Variants in IGF2BP1 observed in about 807,000 individuals in gnomAD.
IGF2BP1 encodes the protein insulin-like growth factor 2 mRNA-binding protein 1.
IGF2BP1 carries 11 observed loss-of-function variants against 74.9 expected under a neutral mutation model. The observed-to-expected ratio is 0.15, with a 90% CI of 0.09 to 0.24. IGF2BP1 has a LOEUF of 0.24. Among genes scored for constraint, IGF2BP1 ranks in the 10% least tolerant of loss-of-function variants. IGF2BP1 has a pLI of 1.00. For missense variants in IGF2BP1, 440 were observed against 757.4 expected (o/e 0.58, Z 4.92); for synonymous variants, 287 against 281.8 (o/e 1.02, Z -0.18).
intron 2 of IGF2BP1, chr17:49,013,768 T>G (rs1243114413): frequency 2.0e-5 from 3 of 152,228 alleles, no homozygotes; most frequent in Admixed American, 2.0e-4. Flanking sequence ...GGCAAAGTCC[T>G]GGGCCCCACC....
Position 49,043,450 on chromosome 17 carries a change from G to A in IGF2BP1, c.1100G>A (p.Gly367Asp). ...CAGCTGCAGTCTCACCTGATCCCTG[G>A]CCTGAACCTGGCTGCTGTAGGTCTT... ...AMSLQSHLIPGLNLAAVGLFP... is the reference protein window; with the variant it reads ...AMSLQSHLIPDLNLAAVGLFP... Residue 367 changes from glycine (G) to aspartate (D), a missense_variant, in exon 10 of 15, where the codon GGC becomes GAC. Gly to Asp is a moderately conservative substitution (Grantham distance 94). Transcript: ENST00000290341. 1 of 1,613,918 alleles carries A rather than the reference G, an allele frequency of 6.2e-7. No homozygotes were observed. Among genetic ancestry groups the A allele is most frequent in the Non-Finnish European group, 8.5e-7 (1 of 1,179,960 alleles).
At chr17:49,003,794 A>C in intron 2 of IGF2BP1, among the ~76,000 whole-genome samples, 1 of 36,080 alleles carries the variant, frequency 2.8e-5, no homozygotes, top group African/African-American at 1.1e-4. Flanking sequence ...GGGGAGGGAG[A>C]GAGGGAGGGA....
At chr17:48,998,137 C>G (rs1028562226) in intron 1 of IGF2BP1, among the ~76,000 whole-genome samples, 1 of 152,050 alleles carries the variant, frequency 6.6e-6, no homozygotes, top group Admixed American at 6.5e-5. Context: ...ATCCCTTTCT[C>G]CCAGCCTGAG....
At chr17:49,010,756 G>C (rs1280011590) in intron 2 of IGF2BP1, among the ~76,000 whole-genome samples, 1 of 152,118 alleles carries the variant, frequency 6.6e-6, no homozygotes, top group Non-Finnish European at 1.5e-5. Context: ...CCAAGTCTCT[G>C]CCCTCCAGCA....
intron 13 of IGF2BP1, 42 bp from the exon 14 acceptor site, chr17:49,046,218 C>CT: frequency 6.4e-7 from 1 of 1,564,466 alleles, no homozygotes; most frequent in Non-Finnish European, 8.8e-7. Flanking sequence ...CCCACCCATG[C>CT]TTTCTTGATG....
chr17:49,016,401 G>T (rs1238893704), intron 2 of IGF2BP1, among the ~76,000 whole-genome samples: 3 of 152,220 alleles, frequency 2.0e-5, no homozygotes, highest in Middle Eastern at 3.4e-3. Flanking sequence ...TGTGTGTATT[G>T]TGTGTGTGCG....
intron 2 of IGF2BP1, chr17:49,012,860 A>T (rs1328808968): frequency 6.6e-6 from 1 of 152,064 alleles, no homozygotes; most frequent in Non-Finnish European, 1.5e-5. Context: ...CCCACAAAGT[A>T]TTGGGTTTAC....
chr17:49,010,650 TATTA>T (rs1359653782), intron 2 of IGF2BP1, among the ~76,000 whole-genome samples: 4 of 152,074 alleles, frequency 2.6e-5, no homozygotes, highest in Non-Finnish European at 4.4e-5. Flanking sequence ...AAATACTGAT[TATTA>T]ATTGAGTTTT....
chr17:49,039,784 C>T (rs996252078), intron 6 of IGF2BP1, among the ~76,000 whole-genome samples, 173 bp from the exon 7 acceptor site: 3 of 152,164 alleles, frequency 2.0e-5, no homozygotes, highest in Non-Finnish European at 4.4e-5. Context: ...CAGTAACAGA[C>T]GGGTCATATT....
At chr17:49,003,845 A>G (rs1371997864) in intron 2 of IGF2BP1, among the ~76,000 whole-genome samples, 2 of 151,618 alleles carry the variant, frequency 1.3e-5, no homozygotes, top group Non-Finnish European at 2.9e-5. Flanking sequence ...CTTCCCTTTT[A>G]AAGGGGAGCG....
chr17:48,997,596 C>A lies in IGF2BP1; in HGVS notation c.-150C>A. The A allele has an allele frequency of 1.2e-6, 1 of 825,214 alleles. No individual in the cohort carries two copies. Among genetic ancestry groups the A allele is most frequent in the Non-Finnish European group, 1.9e-6 (1 of 539,578 alleles). The allele number at this position is 825,214 out of a possible 1,614,324, so 51.1% of individuals were successfully genotyped here. A position where few individuals can be genotyped will look rare whatever the true frequency, so the allele number is the denominator to read the frequency against. On this transcript the variant is annotated 5_prime_UTR_variant, in exon 1 of 15. Transcript: ENST00000290341. The surrounding 1 kb of genome is among the most constrained non-coding windows in gnomAD (Gnocchi z 4.8). ...CGCGCCCTCAGGCCGCCTTCCCCGC[C>A]CTGGGCTCGGGACAACTTCTGGGGT... is the stretch of plus-strand genomic sequence containing the variant.
chr17:49,017,943 A>C (rs1011180206), intron 2 of IGF2BP1: 2 of 152,102 alleles, frequency 1.3e-5, no homozygotes, highest in African/African-American at 4.8e-5. Flanking sequence ...TTGTATTTTT[A>C]GTAGAGACAG....
At chr17:49,023,300 C>G (rs914481729) in intron 2 of IGF2BP1, among the ~76,000 whole-genome samples, 3 of 152,204 alleles carry the variant, frequency 2.0e-5, no homozygotes, top group African/African-American at 7.2e-5. Flanking sequence ...AGAAGACAGC[C>G]AAAGACAGAG....
In IGF2BP1 at chr17:49,020,155, A is replaced by G. The variant is rs143399028; in HGVS notation, c.237-5463A>G. ...CCTCCCAGCCTCTTGGGTTCAAGCA[A>G]TTCTCATGCTTCAAAGTAGCTGGGG... is the stretch of plus-strand genomic sequence containing the variant. On this transcript the variant is annotated intron_variant, in intron 2 of 14. Transcript: ENST00000290341. Among the ~76,000 whole-genome samples, 581 of 151,316 alleles carry G rather than the reference A, an allele frequency of 3.8e-3. 3 individuals carry two copies. Among genetic ancestry groups the G allele is most frequent in the Middle Eastern group, 0.01 (3 of 294 alleles).
At chr17:48,998,951 C>T (rs2041446663) in intron 1 of IGF2BP1, among the ~76,000 whole-genome samples, 158 bp from the exon 2 acceptor site, 1 of 152,126 alleles carries the variant, frequency 6.6e-6, no homozygotes, top group Non-Finnish European at 1.5e-5. Context: ...CCTAGAGCAA[C>T]CTTTTTCCCA....
chr17:49,052,092 G>A lies in IGF2BP1; in HGVS notation c.*2648G>A, dbSNP rs961488572. Reference sequence around the variant, plus strand: ...TTCCTGCCTTATCATTTTCTCCCTAGGACATTCCCTTGTAGCCCCCAGAAT... The same window carrying A: ...TTCCTGCCTTATCATTTTCTCCCTAAGACATTCCCTTGTAGCCCCCAGAAT... On this transcript the variant is annotated 3_prime_UTR_variant, in exon 15 of 15. Coordinates refer to ENST00000290341, the MANE Select transcript of IGF2BP1 (RefSeq NM_006546.4). 7.2e-5 allele frequency: 11 copies of A among 152,028 alleles called. No individual in the cohort carries two copies. The highest frequency in any genetic ancestry group is 1.3e-4 in the Non-Finnish European group (9 of 68,012). The allele number at this position is 152,028 out of a possible 1,614,324, so 9.4% of individuals were successfully genotyped here.
Position 49,043,976 on chromosome 17 carries a change from G to A in IGF2BP1, c.1210G>A (p.Glu404Lys), listed in dbSNP as rs778356223. 9 of 1,613,752 alleles carry A rather than the reference G, an allele frequency of 5.6e-6. No homozygotes were observed. The highest frequency in any genetic ancestry group is 2.7e-5 in the African/African-American group (2 of 74,900). ...APYSSFMQAP[E>K]QEMVQVFIPA... ...CCTCCTATCCTGGCAGCAGGCTCCC[G>A]AGCAGGAGATGGTGCAGGTGTTTAT... Residue 404 changes from glutamate (E) to lysine (K), a missense_variant, in exon 11 of 15, where the codon GAG becomes AAG. Glu to Lys is a moderately conservative substitution (Grantham distance 56). Transcript: ENST00000290341.
chr17:48,999,272 T>G, intron 2 of IGF2BP1, 103 bp downstream of exon 2: 1 of 723,620 alleles, frequency 1.4e-6, no homozygotes, highest in Non-Finnish European at 2.4e-6. Context: ...AACCCATTAC[T>G]GGTCTTTCCC....
chr17:49,004,845 C>T (rs1326890472), intron 2 of IGF2BP1: 2 of 152,204 alleles, frequency 1.3e-5, no homozygotes, highest in Non-Finnish European at 2.9e-5. Context: ...TCTCTCAAAC[C>T]TGTACTCAAG....
Sources: gnomAD v4.1 joint callset for allele counts (sites outside exome capture counted in the v4.1 genomes callset) on GRCh38, gnomAD v4.1.1 for gene constraint, Gnocchi (gnomAD v3.1) non-coding constraint, MANE v1.5 for transcripts, NCBI Gene and HGNC (gene_info 2026-07-23, HGNC 2026-07-21) for gene names.